The following CSMD1 variants were observed in gnomAD, a reference collection of about 807,000 sequenced individuals.
CSMD1 encodes the protein CUB and Sushi multiple domains 1.
Under a neutral mutation model 417.5 loss-of-function variants are expected in CSMD1, and 213 were observed. The ratio of observed to expected loss-of-function variants is 0.51; its 90% confidence interval spans 0.46 to 0.57. CSMD1 has a LOEUF of 0.57. CSMD1 is among the 20% of genes least tolerant of loss of function. CSMD1 has a pLI of 0.00. For missense variants in CSMD1, 6,923 were observed against 4,529.7 expected (o/e 1.53, Z -15.17); for synonymous variants, 2,862 against 1,736.8 (o/e 1.65, Z -16.11).
intron 3 of CSMD1, among the ~76,000 whole-genome samples, chr8:4,056,472 G>T (rs184444022): frequency 6.6e-6 from 1 of 151,114 alleles, no homozygotes; most frequent in Non-Finnish European, 1.5e-5. Flanking sequence ...TACACAAATA[G>T]TTTCCGGGGC....
At chr8:4,681,355 G>T (rs752316441) in intron 1 of CSMD1, among the ~76,000 whole-genome samples, 1 of 152,108 alleles carries the variant, frequency 6.6e-6, no homozygotes, top group Non-Finnish European at 1.5e-5. Flanking sequence ...CCACCAATAT[G>T]GTTTGCTAAT....
intron 1 of CSMD1, among the ~76,000 whole-genome samples, chr8:4,647,250 T>A (rs1185922803): frequency 1.3e-4 from 19 of 147,752 alleles, no homozygotes; most frequent in African/African-American, 4.5e-4. Context: ...TTTTTTTTTT[T>A]AATTTCTTCT....
chr8:4,285,766 G>T (rs965611044), intron 3 of CSMD1, among the ~76,000 whole-genome samples: 3 of 152,148 alleles, frequency 2.0e-5, no homozygotes, highest in Admixed American at 6.6e-5. Context: ...AAATAGCTTT[G>T]TTAAGACATG....
chr8:3,354,589 A>G (rs1808617788), intron 21 of CSMD1, among the ~76,000 whole-genome samples: 1 of 152,092 alleles, frequency 6.6e-6, no homozygotes, highest in Admixed American at 6.6e-5. Flanking sequence ...CACGAAGAAT[A>G]TTTAAGAATT....
intron 2 of CSMD1, among the ~76,000 whole-genome samples, chr8:4,442,969 C>G (rs1798569753): frequency 6.6e-6 from 1 of 152,080 alleles, no homozygotes; most frequent in Non-Finnish European, 1.5e-5. Context: ...ACAGGTATCT[C>G]CAAAATAGTG....
intron 10 of CSMD1, among the ~76,000 whole-genome samples, chr8:3,559,006 G>C (rs1007510157): frequency 1.3e-5 from 2 of 152,208 alleles, no homozygotes; most frequent in African/African-American, 2.4e-5. Context: ...GACTGCCGTG[G>C]TGGTCTGGTG....
chr8:3,903,312 G>A (rs969393809), intron 5 of CSMD1, among the ~76,000 whole-genome samples: 3 of 111,560 alleles, frequency 2.7e-5, no homozygotes, highest in Non-Finnish European at 5.3e-5. Flanking sequence ...TATCCAGGAT[G>A]AATTAATCTG....
chr8:4,149,175 G>C (rs923129148), intron 3 of CSMD1, among the ~76,000 whole-genome samples: 1 of 152,038 alleles, frequency 6.6e-6, no homozygotes, highest in Admixed American at 6.6e-5. Context: ...TGTTGGCTAG[G>C]CTGGTCTCGA....
At chr8:4,398,861 A>C (rs1157480462) in intron 3 of CSMD1, among the ~76,000 whole-genome samples, 2 of 152,202 alleles carry the variant, frequency 1.3e-5, no homozygotes, top group African/African-American at 4.8e-5. Flanking sequence ...GAAACTTTTA[A>C]ACCATAAAAT....
At chr8:3,142,434 T>G (rs746996401) in intron 41 of CSMD1, 31 bp downstream of exon 41, 32 of 1,547,006 alleles carry the variant, frequency 2.1e-5, no homozygotes, top group Non-Finnish European at 2.5e-5. Context: ...GTATTTAGAT[T>G]TGGGTTTCGG....
intron 1 of CSMD1, among the ~76,000 whole-genome samples, chr8:4,727,350 A>C (rs1239830057): frequency 6.6e-6 from 1 of 152,228 alleles, no homozygotes; most frequent in Non-Finnish European, 1.5e-5. Flanking sequence ...CATGAAATAA[A>C]ATGTTCACAA....
At chr8:4,548,772 C>G (rs775929459) in intron 2 of CSMD1, among the ~76,000 whole-genome samples, 3 of 152,080 alleles carry the variant, frequency 2.0e-5, no homozygotes, top group Non-Finnish European at 4.4e-5. Flanking sequence ...TTCCCAGGTG[C>G]CTTCCTGTTA....
intron 3 of CSMD1, among the ~76,000 whole-genome samples, chr8:4,314,353 G>A (rs547735203): frequency 6.6e-6 from 1 of 152,250 alleles, no homozygotes; most frequent in Admixed American, 6.5e-5. Flanking sequence ...ACCTGCCATA[G>A]AACATTTCCT....
At chr8:3,007,459 G>A (rs1276915954) in intron 52 of CSMD1, among the ~76,000 whole-genome samples, 1 of 151,172 alleles carries the variant, frequency 6.6e-6, no homozygotes, top group Non-Finnish European at 1.5e-5. Flanking sequence ...CTGCTATAAA[G>A]ACACATGCAC....
intron 3 of CSMD1, among the ~76,000 whole-genome samples, chr8:4,393,710 A>G (rs1249137411): frequency 6.6e-6 from 1 of 152,208 alleles, no homozygotes; most frequent in Non-Finnish European, 1.5e-5. Context: ...GAACTCCAGG[A>G]GCAGACCTTG....
At chr8:3,665,122 G>T (rs937062294) in intron 7 of CSMD1, among the ~76,000 whole-genome samples, 2 of 152,046 alleles carry the variant, frequency 1.3e-5, no homozygotes, top group African/African-American at 4.8e-5. Context: ...GAAAGTTTCA[G>T]GTGATTAGGA....
At chr8:4,886,163 G>C (rs892775214) in intron 1 of CSMD1, among the ~76,000 whole-genome samples, 3 of 151,770 alleles carry the variant, frequency 2.0e-5, no homozygotes, top group African/African-American at 4.8e-5. Flanking sequence ...GCTAATTTTT[G>C]TATTTTTAGT....
At chr8:4,606,047 T>C (rs139054924) in intron 2 of CSMD1, among the ~76,000 whole-genome samples, 1 of 152,298 alleles carries the variant, frequency 6.6e-6, no homozygotes, top group Non-Finnish European at 1.5e-5. Flanking sequence ...TCTATTTCTA[T>C]TTTGGAAGCC....
At chr8:4,217,978 A>T (rs528811954) in intron 3 of CSMD1, among the ~76,000 whole-genome samples, 4 of 152,224 alleles carry the variant, frequency 2.6e-5, no homozygotes, top group African/African-American at 4.8e-5. Context: ...AGTTGGTGGG[A>T]AACAGTGAAG....
Sources: gnomAD v4.1 joint callset for allele counts (sites outside exome capture counted in the v4.1 genomes callset) on GRCh38, gnomAD v4.1.1 for gene constraint, MANE v1.5 for transcripts, NCBI Gene and HGNC (gene_info 2026-07-23, HGNC 2026-07-21) for gene names.